The following MTMR2 variants were observed in gnomAD, a reference collection of about 807,000 sequenced individuals.
MTMR2 encodes the protein myotubularin related protein 2.
Under a neutral mutation model 86.9 loss-of-function variants are expected in MTMR2, and 55 were observed. The observed-to-expected ratio is 0.63, with a 90% confidence interval of 0.51 to 0.79. The LOEUF (loss-of-function observed/expected upper bound fraction) is 0.79. Among genes scored for constraint, MTMR2 ranks in the 30% least tolerant of loss-of-function variants. The pLI is 0.00. For synonymous variants in MTMR2, 241 were observed against 266.8 expected, an observed-to-expected ratio of 0.90 and a Z score of 0.94; for missense variants, 659 against 772.3, an observed-to-expected ratio of 0.85 and a Z score of 1.74.
intron 1 of MTMR2, among the ~76,000 whole-genome samples, chr11:95,904,900 C>A (rs937689053): frequency 5.9e-5 from 9 of 152,154 alleles, no homozygotes; most frequent in Admixed American, 2.6e-4. Flanking sequence ...TTCCTCACTT[C>A]TCATTCTTTC....
chr11:95,912,281 G>T (rs746592117), intron 1 of MTMR2, among the ~76,000 whole-genome samples: 1 of 151,710 alleles, frequency 6.6e-6, no homozygotes, highest in Non-Finnish European at 1.5e-5. Context: ...TTAGTTGTTA[G>T]AAATCATAAA....
intron 11 of MTMR2, 55 bp from the exon 12 acceptor site, chr11:95,841,764 G>T: frequency 2.2e-6 from 3 of 1,383,034 alleles, no homozygotes; most frequent in Non-Finnish European, 3.1e-6. Flanking sequence ...ATGTTTTGAT[G>T]GAAATAATTT....
At chr11:95,901,253 G>C (rs1315268219) in intron 1 of MTMR2, among the ~76,000 whole-genome samples, 1 of 152,062 alleles carries the variant, frequency 6.6e-6, no homozygotes, top group Non-Finnish European at 1.5e-5. Flanking sequence ...ACTAGTCAAA[G>C]CATTTGACTA....
chr11:95,904,836 T>C (rs148416674), intron 1 of MTMR2, among the ~76,000 whole-genome samples: 247 of 152,290 alleles, frequency 1.6e-3, no homozygotes, highest in African/African-American at 5.7e-3. Context: ...AAGAACCCTC[T>C]CTTGGGGTCT....
At chr11:95,885,158 T>C (rs1182927057) in intron 2 of MTMR2, among the ~76,000 whole-genome samples, 1 of 152,148 alleles carries the variant, frequency 6.6e-6, no homozygotes, top group Non-Finnish European at 1.5e-5. Flanking sequence ...AGTCATGTAA[T>C]TCAGGACACT....
At position 95,845,903 on chromosome 11, in the gene MTMR2, AG is replaced by A. The variant is rs1344530861; in HGVS notation, c.1180-745del. ...ATCTTAAAAAAAAAAAAAAAAAAAA[AG>A]GACAATACAGCCCTATTCTTCTCTG... On this transcript the variant is annotated intron_variant, in intron 10 of 14. Transcript: ENST00000346299. Among the ~76,000 whole-genome samples the A allele has an allele frequency of 5.8e-4, 87 of 149,860 alleles. 2 individuals carry two copies. The highest frequency in any genetic ancestry group is 6.9e-3 in the Middle Eastern group (2 of 288).
chr11:95,854,235 C>A (rs1864128459), intron 7 of MTMR2, among the ~76,000 whole-genome samples: 1 of 152,138 alleles, frequency 6.6e-6, no homozygotes, highest in South Asian at 2.1e-4. Flanking sequence ...AATTATTGAT[C>A]TTTGGTATAT....
At chr11:95,856,333 C>CTTTTT (rs11454567) in intron 7 of MTMR2, among the ~76,000 whole-genome samples, 1 of 145,274 alleles carries the variant, frequency 6.9e-6, no homozygotes, top group Non-Finnish European at 1.5e-5. Context: ...TTACCACTTC[C>CTTTTT]TTTTTTTTTT....
rs369303651 is a variant in MTMR2, at chr11:95,836,133, T to C, written c.1770+15A>G. On this transcript the variant is annotated intron_variant, in intron 14 of 14. Transcript: ENST00000346299. ...CATGAATGAAAACTCCCATTGTATA[T>C]TGTAAGGCACATACCTGTGGTTTCA... is the stretch of plus-strand genomic sequence containing the variant. 46 of 1,588,962 alleles carry C rather than the reference T, an allele frequency of 2.9e-5. No individual in the cohort carries two copies. The highest frequency in any genetic ancestry group is 3.7e-5 in the Non-Finnish European group (43 of 1,161,232).
chr11:95,856,773 G>C (rs1367616000), intron 7 of MTMR2, among the ~76,000 whole-genome samples: 1 of 151,768 alleles, frequency 6.6e-6, no homozygotes, highest in East Asian at 1.9e-4. Context: ...AATGCTCCTG[G>C]GACAGCAATT....
chr11:95,870,588 G>C (rs1565364021), intron 2 of MTMR2, among the ~76,000 whole-genome samples: 1 of 151,944 alleles, frequency 6.6e-6, no homozygotes, highest in Non-Finnish European at 1.5e-5. Flanking sequence ...TTTTACTTGA[G>C]AGGAATTGCA....
Position 95,845,169 on chromosome 11 carries a change from A to G in MTMR2, c.1180-10T>C. 6.3e-7 allele frequency: 1 copy of G among 1,588,838 alleles called. No homozygotes were observed. On this transcript the variant is annotated splice_polypyrimidine_tract_variant and intron_variant, in intron 10 of 14. Transcript: ENST00000346299. ...CCCCTGCAAGAATAAGCTGGAAAAC[A>G]GATTTTTTAATACATTGTTTTTAAA...
At chr11:95,916,564 G>C (rs1018726649) in intron 1 of MTMR2, among the ~76,000 whole-genome samples, 6 of 151,558 alleles carry the variant, frequency 4.0e-5, no homozygotes, top group African/African-American at 1.5e-4. Flanking sequence ...CTATCTCCAG[G>C]CTTTCATGTG....
At chr11:95,923,692 C>T (rs1421976834) in intron 1 of MTMR2, 183 bp downstream of exon 1, 2 of 1,431,544 alleles carry the variant, frequency 1.4e-6, no homozygotes, top group Non-Finnish European at 1.8e-6. Context: ...GAGTTTTAAC[C>T]TCCTTTTCCT....
intron 1 of MTMR2, among the ~76,000 whole-genome samples, chr11:95,905,963 G>A (rs1591043046): frequency 1.3e-5 from 2 of 152,026 alleles, no homozygotes; most frequent in Admixed American, 6.6e-5. Flanking sequence ...TCGTGGTTCC[G>A]CCTGTAATAC....
chr11:95,835,503 G>A (rs762136962), intron 14 of MTMR2, 52 bp from the exon 15 acceptor site: 1 of 1,566,124 alleles, frequency 6.4e-7, no homozygotes, highest in Non-Finnish European at 8.8e-7. Flanking sequence ...ACCAAAGCCA[G>A]GTCAAATCAT....
Position 95,835,039 on chromosome 11 carries a change from G to A in MTMR2, c.*251C>T, listed in dbSNP as rs1863197493. ...AAACTTGTTCCCACTGTGAATCCAGGATTGAAGTATTTTAATATTCTTTGG... is the reference window on the plus strand; with the variant it reads ...AAACTTGTTCCCACTGTGAATCCAGAATTGAAGTATTTTAATATTCTTTGG... On this transcript the variant is annotated 3_prime_UTR_variant, in exon 15 of 15. Coordinates refer to ENST00000346299, the MANE Select transcript of MTMR2 (RefSeq NM_016156.6). 2.1e-6 allele frequency: 1 copy of A among 468,964 alleles called. No individual in the cohort carries two copies. The highest frequency in any genetic ancestry group is 2.0e-5 in the African/African-American group (1 of 51,120). 29.1% of individuals were successfully genotyped at this position (468,964 alleles called of 1,614,324 possible). A position where few individuals can be genotyped will look rare whatever the true frequency, so the allele number is the denominator to read the frequency against.
At chr11:95,909,886 A>C (rs993809252) in intron 1 of MTMR2, among the ~76,000 whole-genome samples, 8 of 152,234 alleles carry the variant, frequency 5.3e-5, no homozygotes, top group Admixed American at 3.9e-4. Context: ...GAGAATAGGA[A>C]GTCTACTTTT....
chr11:95,874,370 A>G (rs1484409905), intron 2 of MTMR2, among the ~76,000 whole-genome samples: 1 of 151,750 alleles, frequency 6.6e-6, no homozygotes, highest in African/African-American at 2.4e-5. Flanking sequence ...GTGTCTTTTG[A>G]TCTTTGTTGG....
Sources: allele counts gnomAD v4.1 joint callset (sites outside exome capture counted in the v4.1 genomes callset), GRCh38; gene constraint gnomAD v4.1.1; transcripts MANE v1.5; gene names NCBI Gene and HGNC (gene_info 2026-07-23, HGNC 2026-07-21).